The following EPHA7 variants were observed in gnomAD, a reference collection of about 807,000 sequenced individuals.
EPHA7 encodes EPH receptor A7, also known as ephrin type-A receptor 7.
Under a neutral mutation model 112.6 loss-of-function variants are expected in EPHA7, and 25 were observed. The ratio of observed to expected loss-of-function variants is 0.22; its 90% confidence interval spans 0.16 to 0.31. The LOEUF is 0.31. Among genes scored for constraint, EPHA7 ranks in the 10% least tolerant of loss-of-function variants. The pLI is 1.00. For synonymous variants in EPHA7, 437 were observed against 406.5 expected (o/e 1.07, Z -0.90); for missense variants, 962 against 1,212.6 (o/e 0.79, Z 3.07).
rs376612256 is a variant in EPHA7, at chr6:93,243,391, A to C, written c.*35T>G. The C allele has an allele frequency of 5.3e-5, 79 of 1,497,360 alleles. No homozygotes were observed. The African/African-American group carries it at 9.5e-4, about 18-fold the overall frequency. 92.8% of individuals were successfully genotyped at this position (1,497,360 alleles called of 1,614,324 possible). On this transcript the variant is annotated 3_prime_UTR_variant, in exon 17 of 17. Transcript: ENST00000369303. ...CTGAAGGCCAGTACTGTTCTCTTGC[A>C]GTCTGTAATCTCCCTTAAAAGGGAG...
chr6:93,278,724 T>TG (rs1554169953), intron 5 of EPHA7, among the ~76,000 whole-genome samples: 6 of 150,860 alleles, frequency 4.0e-5, no homozygotes, highest in Non-Finnish European at 7.4e-5. Context: ...TTTGTTGTTG[T>TG]TGTGTGTGTG....
chr6:93,402,496 A>T (rs1778481304), intron 3 of EPHA7, among the ~76,000 whole-genome samples: 2 of 152,016 alleles, frequency 1.3e-5, no homozygotes, highest in South Asian at 4.1e-4. Context: ...TTTGTTCTAG[A>T]TCTGTGTATG....
chr6:93,300,799 C>A (rs866331851), intron 5 of EPHA7, among the ~76,000 whole-genome samples: 1 of 152,122 alleles, frequency 6.6e-6, no homozygotes, highest in East Asian at 1.9e-4. Flanking sequence ...CATTCCTTAA[C>A]GATGGGAATA....
At chr6:93,373,650 G>T (rs909535005) in intron 3 of EPHA7, among the ~76,000 whole-genome samples, 3 of 151,936 alleles carry the variant, frequency 2.0e-5, no homozygotes, top group African/African-American at 7.2e-5. Flanking sequence ...TTAGATGATG[G>T]TATCAAGATT....
intron 5 of EPHA7, among the ~76,000 whole-genome samples, chr6:93,296,434 AAT>A (rs1292798142): frequency 5.5e-5 from 7 of 126,174 alleles, no homozygotes; most frequent in African/African-American, 1.1e-4. Context: ...ATATATATAA[AAT>A]ATATAAATAT....
chr6:93,282,062 G>A (rs2127898889), intron 5 of EPHA7, among the ~76,000 whole-genome samples: 1 of 152,132 alleles, frequency 6.6e-6, no homozygotes, highest in South Asian at 2.1e-4. Context: ...TGTGCACAAT[G>A]TTTATAACGT....
At chr6:93,291,426 C>T (rs554602463) in intron 5 of EPHA7, among the ~76,000 whole-genome samples, 2 of 151,996 alleles carry the variant, frequency 1.3e-5, no homozygotes, top group African/African-American at 4.8e-5. Flanking sequence ...AAATATTTGA[C>T]AAAAGCTGCA....
chr6:93,403,081 G>A (rs573103528), intron 3 of EPHA7, among the ~76,000 whole-genome samples: 2 of 151,998 alleles, frequency 1.3e-5, no homozygotes, highest in African/African-American at 2.4e-5. Flanking sequence ...CTAATTATTA[G>A]CACTTTATCC....
intron 5 of EPHA7, among the ~76,000 whole-genome samples, chr6:93,325,245 C>A (rs1004459925): frequency 6.6e-6 from 1 of 151,246 alleles, no homozygotes; most frequent in African/African-American, 2.4e-5. Flanking sequence ...ACAATTGGTC[C>A]TAAGTGTTTT....
chr6:93,364,620 ATTT>A (rs1286820708), intron 3 of EPHA7, among the ~76,000 whole-genome samples: 1 of 151,896 alleles, frequency 6.6e-6, no homozygotes, highest in Non-Finnish European at 1.5e-5. Context: ...AAAATAGTAA[ATTT>A]TATTTGCTTA....
chr6:93,327,328 T>A (rs1774371258), intron 5 of EPHA7, among the ~76,000 whole-genome samples: 1 of 151,538 alleles, frequency 6.6e-6, no homozygotes, highest in African/African-American at 2.4e-5. Context: ...TTTTCCTGAT[T>A]GTTCTTCATC....
At chr6:93,407,767 G>T (rs1367057327) in intron 3 of EPHA7, among the ~76,000 whole-genome samples, 1 of 151,854 alleles carries the variant, frequency 6.6e-6, no homozygotes, top group Non-Finnish European at 1.5e-5. Context: ...TAGTTTGCAG[G>T]TAACAATAAT....
In EPHA7 at chr6:93,358,408, C is replaced by A; in HGVS notation, c.836G>T (p.Cys279Phe). Residue 279 changes from cysteine to phenylalanine, a missense_variant, in exon 4 of 17, where the codon TGT becomes TTT. Around this residue, in one of 3 missense-constraint regions of EPHA7, gnomAD observed 746 missense variants for 889.2 expected, o/e 0.84. Coordinates refer to ENST00000369303, the MANE Select transcript of EPHA7 (RefSeq NM_004440.4). ...GGAAGACTTGTAGAACCCACGGCCA[C>A]AGGCTGGGAATGCAAAAGAAAGCAA... ...YQQKGDTCEP[C>F]GRGFYKSSSQ... 1.2e-6 allele frequency: 2 copies of A among 1,603,098 alleles called. No individual in the cohort carries two copies. Among genetic ancestry groups the A allele is most frequent in the Non-Finnish European group, 1.7e-6 (2 of 1,174,234 alleles).
At chr6:93,389,132 A>G (rs896384447) in intron 3 of EPHA7, among the ~76,000 whole-genome samples, 2 of 152,138 alleles carry the variant, frequency 1.3e-5, no homozygotes, top group Non-Finnish European at 2.9e-5. Flanking sequence ...TTCCAGCCAC[A>G]TTTACCAAAA....
intron 1 of EPHA7, among the ~76,000 whole-genome samples, chr6:93,417,900 T>C (rs965434647): frequency 2.0e-5 from 3 of 151,694 alleles, no homozygotes; most frequent in Admixed American, 2.0e-4. Context: ...GGACTAGAAT[T>C]TGGCGCCGGG....
chr6:93,351,308 C>A (rs1324868518), intron 5 of EPHA7, among the ~76,000 whole-genome samples: 1 of 151,928 alleles, frequency 6.6e-6, no homozygotes, highest in Non-Finnish European at 1.5e-5. Context: ...ACAGCTCAGC[C>A]CTGCTCTGCT....
chr6:93,359,831 T>C (rs1018330356), intron 3 of EPHA7, among the ~76,000 whole-genome samples: 1 of 150,374 alleles, frequency 6.7e-6, no homozygotes, highest in African/African-American at 2.5e-5. Context: ...GTTGTGAATA[T>C]AGATCCATCG....
chr6:93,243,785 T>A (rs1769787967), intron 16 of EPHA7, among the ~76,000 whole-genome samples: 2 of 152,134 alleles, frequency 1.3e-5, no homozygotes, highest in Non-Finnish European at 2.9e-5. Flanking sequence ...TAAAGTGATT[T>A]GAAATTTTAC....
chr6:93,365,032 A>G (rs1776440662), intron 3 of EPHA7, among the ~76,000 whole-genome samples: 1 of 152,184 alleles, frequency 6.6e-6, no homozygotes, highest in Admixed American at 6.5e-5. Flanking sequence ...ACTTTGCCAG[A>G]TGAGGTCTGG....
Sources: gnomAD v4.1 joint callset for allele counts (sites outside exome capture counted in the v4.1 genomes callset) on GRCh38, gnomAD v4.1.1 for gene constraint, gnomAD v4.1.1 regional missense constraint, MANE v1.5 for transcripts, NCBI Gene and HGNC (gene_info 2026-07-23, HGNC 2026-07-21) for gene names.